Variants in DACH2 observed in about 807,000 individuals in gnomAD.
DACH2 encodes the protein dachshund family transcription factor 2.
A neutral mutation model predicts 35.8 loss-of-function variants in DACH2; 17 were observed. The observed-to-expected ratio is 0.48, with a 90% CI of 0.33 to 0.71. The LOEUF is 0.71. Ranked by LOEUF, DACH2 falls within the 30% of genes least tolerant of loss-of-function variation. DACH2 has a pLI of 0.02. For synonymous variants in DACH2, 195 were observed against 177.3 expected (o/e 1.10, Z -0.79); for missense variants, 469 against 472.7 (o/e 0.99, Z 0.07).
At chrX:86,427,588 C>A (rs2036915155) in intron 2 of DACH2, among the ~76,000 whole-genome samples, 1 of 111,191 alleles carries the variant, frequency 9.0e-6, no homozygotes, top group African/African-American at 3.3e-5. Context: ...ATGCTCTAAA[C>A]TTTAGGTATT....
intron 3 of DACH2, among the ~76,000 whole-genome samples, chrX:86,606,725 C>A (rs907608595): frequency 2.7e-5 from 3 of 111,170 alleles, no homozygotes; most frequent in African/African-American, 9.8e-5. Flanking sequence ...TTCTATAGTG[C>A]AGATTAAAAC....
chrX:86,291,743 A>T (rs188688728), intron 1 of DACH2, among the ~76,000 whole-genome samples: 1 of 75,243 alleles, frequency 1.3e-5, no homozygotes, highest in Non-Finnish European at 2.4e-5. Context: ...ATTTTCGCAT[A>T]TTGAACCAGC....
intron 3 of DACH2, among the ~76,000 whole-genome samples, chrX:86,573,320 A>G (rs753602340): frequency 9.0e-6 from 1 of 111,696 alleles, no homozygotes; most frequent in East Asian, 2.8e-4. Context: ...GTATGCTCCT[A>G]GAAGAGACCT....
At position 86,824,790 on chromosome X, in the gene DACH2, G is replaced by A. The variant is rs150291121; in HGVS notation, c.1751-7316G>A. On this transcript the variant is annotated intron_variant, in intron 11 of 11. Coordinates refer to ENST00000373125, the MANE Select transcript of DACH2 (RefSeq NM_053281.3). ...TGTGAGCAACCATTTAATAATGAGT[G>A]AGGAAAAACTCTCAATAGAGAGAAC... 8.9e-3 allele frequency among the ~76,000 whole-genome samples: 999 copies of A among 111,745 alleles called. 4 individuals carry two copies. The highest frequency in any genetic ancestry group is 0.031 in the African/African-American group (942 of 30,776).
chrX:86,413,682 A>C (rs1348001011), intron 2 of DACH2, among the ~76,000 whole-genome samples: 1 of 110,814 alleles, frequency 9.0e-6, no homozygotes, highest in African/African-American at 3.3e-5. Context: ...AGCAGCTCTA[A>C]TGGCTTCCAT....
intron 7 of DACH2, among the ~76,000 whole-genome samples, chrX:86,774,523 G>A (rs1408989081): frequency 1.8e-5 from 2 of 111,765 alleles, no homozygotes; most frequent in Admixed American, 1.9e-4. Flanking sequence ...GTTTGAAGTA[G>A]TTCACTGCCA....
At chrX:86,399,867 G>A (rs1297264693) in intron 2 of DACH2, among the ~76,000 whole-genome samples, 1 of 111,091 alleles carries the variant, frequency 9.0e-6, no homozygotes, top group Non-Finnish European at 1.9e-5. Context: ...TCTTGGACTT[G>A]CTGTTCTTCT....
chrX:86,378,106 T>C (rs961842250), intron 2 of DACH2, among the ~76,000 whole-genome samples: 1 of 110,813 alleles, frequency 9.0e-6, no homozygotes, highest in African/African-American at 3.3e-5. Flanking sequence ...GGCATTGAAA[T>C]TGGCTTTCAC....
At chrX:86,687,948 G>A (rs1286087090) in intron 4 of DACH2, among the ~76,000 whole-genome samples, 2 of 110,772 alleles carry the variant, frequency 1.8e-5, no homozygotes, top group Non-Finnish European at 3.8e-5. Context: ...TGTAGGTGAC[G>A]GGTTGATAGG....
chrX:86,264,056 C>A (rs1343153794), intron 1 of DACH2, among the ~76,000 whole-genome samples: 2 of 111,809 alleles, frequency 1.8e-5, no homozygotes, highest in Admixed American at 9.6e-5. Context: ...AAGGAATCTT[C>A]TTCTACATTG....
chrX:86,588,505 T>C (rs1047972086), intron 3 of DACH2, among the ~76,000 whole-genome samples: 1 of 112,206 alleles, frequency 8.9e-6, no homozygotes, highest in Non-Finnish European at 1.9e-5. Context: ...GCATGGAATA[T>C]TTTCCATTTG....
intron 3 of DACH2, among the ~76,000 whole-genome samples, chrX:86,637,053 A>G (rs187148938): frequency 2.0e-3 from 207 of 105,086 alleles, no homozygotes; most frequent in African/African-American, 6.5e-3. Flanking sequence ...AAAAGTGGGC[A>G]AAGGACATGA....
At chrX:86,641,910 A>G (rs2040351497) in intron 3 of DACH2, among the ~76,000 whole-genome samples, 1 of 111,934 alleles carries the variant, frequency 8.9e-6, no homozygotes, top group Non-Finnish European at 1.9e-5. Context: ...GCAAATTTTG[A>G]GGGACTTTAT....
rs747365513 is a variant in DACH2 at position 86,475,619 on chromosome X, T to G, written c.528-38660T>G. Among the ~76,000 whole-genome samples, 15 of 112,076 alleles carry G rather than the reference T, an allele frequency of 1.3e-4. No homozygotes were observed. In the Admixed American group the frequency reaches 1.4e-3, roughly 11 times the overall value. The stretch of plus-strand genomic sequence containing the variant: ...AGGTTTTTCCAAATATAATGTCATA[T>G]CATCTACAAACAATGACAATTTGAC... On this transcript the variant is annotated intron_variant, in intron 2 of 11. Transcript: ENST00000373125.
At position 86,714,528 on chromosome X, in the gene DACH2, A is replaced by G; in HGVS notation, c.932-20A>G. 8.6e-7 allele frequency: 1 copy of G among 1,159,555 alleles called. No homozygotes were observed. Among genetic ancestry groups the G allele is most frequent in the Admixed American group, 2.3e-5 (1 of 43,936 alleles). On this transcript the variant is annotated intron_variant, in intron 5 of 11. Coordinates refer to ENST00000373125, the MANE Select transcript of DACH2 (RefSeq NM_053281.3). ...AGATAATCATAATGTAACAAGTTTA[A>G]TATGCACTGTCTCTTTTAGGACTGG...
Position 86,680,652 on chromosome X carries a change from CT to C in DACH2, c.773-14350del, listed in dbSNP as rs1195400316. Among the ~76,000 whole-genome samples, 660 of 82,279 alleles carry C rather than the reference CT, an allele frequency of 8.0e-3. 2 individuals are homozygous for C. Among genetic ancestry groups the C allele is most frequent in the East Asian group, 0.03 (79 of 2,664 alleles). The allele number at this position is 82,279 out of a possible 115,157, so 71.4% of individuals were successfully genotyped here. On this transcript the variant is annotated intron_variant, in intron 4 of 11. Transcript: ENST00000373125. The stretch of plus-strand genomic sequence containing the variant: ...TTATTGAATTCATAATGACTCATTT[CT>C]TTTTTTTTTTTTTTTTTTGAGACAG...
intron 3 of DACH2, among the ~76,000 whole-genome samples, chrX:86,587,766 A>G (rs183999585): frequency 2.6e-3 from 286 of 111,883 alleles, no homozygotes; most frequent in Non-Finnish European, 4.4e-3. Flanking sequence ...GATTAGGGAT[A>G]TTAAACCTTT....
intron 1 of DACH2, among the ~76,000 whole-genome samples, chrX:86,293,539 C>T (rs1275254684): frequency 2.7e-5 from 3 of 110,103 alleles, no homozygotes; most frequent in Admixed American, 9.7e-5. Flanking sequence ...TACATTTTGG[C>T]ATGATTTGGC....
chrX:86,286,759 C>T (rs1427176866), intron 1 of DACH2, among the ~76,000 whole-genome samples: 1 of 111,581 alleles, frequency 9.0e-6, no homozygotes, highest in Non-Finnish European at 1.9e-5. Context: ...ACAACAATAA[C>T]TTTATGCCTT....
Sources: allele counts gnomAD v4.1 joint callset (sites outside exome capture counted in the v4.1 genomes callset), GRCh38; gene constraint gnomAD v4.1.1; transcripts MANE v1.5; gene names NCBI Gene and HGNC (gene_info 2026-07-23, HGNC 2026-07-21).